The following TFAP2B variants were observed in gnomAD, a reference collection of about 807,000 sequenced individuals.
The protein encoded by TFAP2B is transcription factor AP-2 beta, also known as transcription factor AP-2-beta.
A neutral mutation model predicts 44.3 loss-of-function variants in TFAP2B; 9 were observed. That is an observed-to-expected ratio of 0.20 (90% CI 0.12 to 0.35). The LOEUF (loss-of-function observed/expected upper bound fraction) is 0.35, where lower values mean the gene tolerates loss of function less well. TFAP2B is among the 10% of genes least tolerant of loss of function. The pLI, the probability that TFAP2B is intolerant of heterozygous loss-of-function variation, is 1.00. For missense variants in TFAP2B, 509 were observed against 600.0 expected (o/e 0.85, Z 1.59); for synonymous variants, 270 against 263.8 (o/e 1.02, Z -0.23).
At chr6:50,829,855 T>C (rs1770626720) in intron 3 of TFAP2B, among the ~76,000 whole-genome samples, 1 of 152,222 alleles carries the variant, frequency 6.6e-6, no homozygotes, top group Non-Finnish European at 1.5e-5. Flanking sequence ...GGGGAAGCTG[T>C]ACTTGCAATG....
intron 2 of TFAP2B, among the ~76,000 whole-genome samples, chr6:50,825,238 C>A (rs1376381126): frequency 1.3e-5 from 2 of 151,610 alleles, no homozygotes; most frequent in Non-Finnish European, 2.9e-5. Flanking sequence ...CTTGACTGTT[C>A]CTGGCTAGAG....
At position 50,846,698 on chromosome 6, in the gene TFAP2B, G is replaced by A. The variant is rs1762856880; in HGVS notation, c.*3306G>A. 6.6e-6 allele frequency: 1 copy of A among 152,232 alleles called. No homozygotes were observed. The highest frequency in any genetic ancestry group is 1.5e-5 in the Non-Finnish European group (1 of 68,038). 9.4% of individuals were successfully genotyped at this position (152,232 alleles called of 1,614,324 possible). A position where few individuals can be genotyped will look rare whatever the true frequency, so the allele number is the denominator to read the frequency against. ...CTGGGGAGCAAGAAATGTCCTGTTT[G>A]GGTGAGGATTCCGTCACCTAAAAAG... On this transcript the variant is annotated 3_prime_UTR_variant, in exon 7 of 7. Coordinates refer to ENST00000393655, the MANE Select transcript of TFAP2B (RefSeq NM_003221.4).
chr6:50,819,230 C>CCACCA (rs1320221329), intron 1 of TFAP2B, among the ~76,000 whole-genome samples: 1 of 151,114 alleles, frequency 6.6e-6, no homozygotes, highest in African/African-American at 2.4e-5. Flanking sequence ...TCCTCGCCTC[C>CCACCA]CCCCACCCCA....
chr6:50,843,692 T>G lies in TFAP2B; in HGVS notation c.*300T>G, dbSNP rs890240169. On this transcript the variant is annotated 3_prime_UTR_variant, in exon 7 of 7. Coordinates refer to ENST00000393655, the MANE Select transcript of TFAP2B (RefSeq NM_003221.4). Reference sequence around the variant, plus strand: ...ACTGATAATAAAAGAAAACCATGATTTCCCCTTCCCTTTGGAAAATAAACA... The same window carrying G: ...ACTGATAATAAAAGAAAACCATGATGTCCCCTTCCCTTTGGAAAATAAACA... 4.9e-5 allele frequency: 15 copies of G among 305,000 alleles called. No individual in the cohort carries two copies. Among genetic ancestry groups the G allele is most frequent in the Admixed American group, 3.3e-4 (7 of 21,278 alleles). 18.9% of individuals were successfully genotyped at this position (305,000 alleles called of 1,614,324 possible). A position where few individuals can be genotyped will look rare whatever the true frequency, so the allele number is the denominator to read the frequency against.
At chr6:50,835,975 TG>T in intron 3 of TFAP2B, 85 bp from the exon 4 acceptor site, 1 of 1,075,380 alleles carries the variant, frequency 9.3e-7, no homozygotes, top group Non-Finnish European at 1.4e-6. Context: ...GTCTGTCCTG[TG>T]GCCTCACACA....
At chr6:50,830,072 T>A (rs369504089) in intron 3 of TFAP2B, among the ~76,000 whole-genome samples, 1 of 152,204 alleles carries the variant, frequency 6.6e-6, no homozygotes, top group Non-Finnish European at 1.5e-5. Flanking sequence ...GACAGCTCAC[T>A]TTTCCTGTTT....
intron 3 of TFAP2B, among the ~76,000 whole-genome samples, chr6:50,831,104 C>A (rs1219739047): frequency 1.3e-5 from 2 of 152,058 alleles, no homozygotes; most frequent in Non-Finnish European, 2.9e-5. Context: ...ATGGTAAGGC[C>A]CCTTCTAAAA....
chr6:50,829,873 T>C (rs1414231014), intron 3 of TFAP2B, among the ~76,000 whole-genome samples: 1 of 152,188 alleles, frequency 6.6e-6, no homozygotes, highest in Non-Finnish European at 1.5e-5. Context: ...ATGATGCCAT[T>C]TGGCCTTGGA....
chr6:50,824,244 A>G (rs1770442476), intron 2 of TFAP2B, among the ~76,000 whole-genome samples: 1 of 152,194 alleles, frequency 6.6e-6, no homozygotes. Flanking sequence ...TTACCAACAC[A>G]CACACCCCAT....
chr6:50,841,447 G>A (rs914050766), intron 6 of TFAP2B, among the ~76,000 whole-genome samples: 5 of 151,840 alleles, frequency 3.3e-5, no homozygotes, highest in African/African-American at 1.2e-4. Context: ...GTGTGGGGGG[G>A]ATCAGTTGTG....
At chr6:50,819,826 A>ACGAGGCGGC (rs1294926253) in intron 1 of TFAP2B, among the ~76,000 whole-genome samples, 31 of 151,852 alleles carry the variant, frequency 2.0e-4, no homozygotes, top group Non-Finnish European at 4.0e-4. Context: ...GACTAGGCGG[A>ACGAGGCGGC]CGAGGCGGCC....
In TFAP2B at chr6:50,843,281, G is replaced by A; in HGVS notation, c.1272G>A (p.Ala424=). The change falls in exon 7 of 7, where the codon GCG becomes GCA. Residue 424 remains alanine (A), a synonymous_variant. Coordinates refer to ENST00000393655, the MANE Select transcript of TFAP2B (RefSeq NM_003221.4). ...CCCTGCAGAACTATCTCACCGAGGCGCTCAAAGGCATGGACAAGATGTTCT... is the reference window on the plus strand; with the variant it reads ...CCCTGCAGAACTATCTCACCGAGGCACTCAAAGGCATGGACAAGATGTTCT... ...LTALQNYLTE[A]LKGMDKMFLN... The A allele has an allele frequency of 6.2e-7, 1 of 1,614,144 alleles. No individual in the cohort carries two copies. The highest frequency in any genetic ancestry group is 1.1e-5 in the South Asian group (1 of 91,080).
chr6:50,843,855 C>T lies in TFAP2B; in HGVS notation c.*463C>T, dbSNP rs1037309324. 1.2e-5 allele frequency: 2 copies of T among 165,038 alleles called. No homozygotes were observed. The highest frequency in any genetic ancestry group is 1.2e-4 in the Admixed American group (2 of 16,400). The allele number at this position is 165,038 out of a possible 1,614,324, so 10.2% of individuals were successfully genotyped here. A position where few individuals can be genotyped will look rare whatever the true frequency, so the allele number is the denominator to read the frequency against. Reference sequence around the variant, plus strand: ...ATATTTTTAGGAAACTCTCGCAGTCCCCGCCCTCCATCTCACCTCACCCGT... The same window carrying T: ...ATATTTTTAGGAAACTCTCGCAGTCTCCGCCCTCCATCTCACCTCACCCGT... On this transcript the variant is annotated 3_prime_UTR_variant, in exon 7 of 7. Coordinates refer to ENST00000393655, the MANE Select transcript of TFAP2B (RefSeq NM_003221.4).
chr6:50,840,114 G>C, intron 5 of TFAP2B, 42 bp from the exon 6 acceptor site: 1 of 1,612,644 alleles, frequency 6.2e-7, no homozygotes. Context: ...GGATATTTAG[G>C]GCCTGGGTGC....
rs946137177 is a variant in TFAP2B at position 50,844,873 on chromosome 6, T to G, written c.*1481T>G. 5 of 152,330 alleles carry G rather than the reference T, an allele frequency of 3.3e-5. No homozygotes were observed. Among genetic ancestry groups the G allele is most frequent in the African/African-American group, 1.2e-4 (5 of 41,572 alleles). The allele number at this position is 152,330 out of a possible 1,614,324, so 9.4% of individuals were successfully genotyped here. A position where few individuals can be genotyped will look rare whatever the true frequency, so the allele number is the denominator to read the frequency against. ...AGATGCTTTATGAATGAGGCATTTT[T>G]CCCTCCCAGACGTGCACTTGTTTTG... On this transcript the variant is annotated 3_prime_UTR_variant, in exon 7 of 7. Coordinates refer to ENST00000393655, the MANE Select transcript of TFAP2B (RefSeq NM_003221.4).
chr6:50,825,822 C>T lies in TFAP2B; in HGVS notation c.540+1957C>T, dbSNP rs185035074. ...GTTCCTCCCCTGCTTTATCTCATTT[C>T]GTCACCTGCCGGGAGGCCCACGGGA... is the stretch of plus-strand genomic sequence containing the variant. On this transcript the variant is annotated intron_variant, in intron 2 of 6. Coordinates refer to ENST00000393655, the MANE Select transcript of TFAP2B (RefSeq NM_003221.4). Among the ~76,000 whole-genome samples the T allele has an allele frequency of 6.8e-3, 1,032 of 152,224 alleles. 10 individuals are homozygous for T. The highest frequency in any genetic ancestry group is 0.024 in the African/African-American group (983 of 41,536).
intron 1 of TFAP2B, chr6:50,822,193 A>T (rs905293911): frequency 7.7e-7 from 1 of 1,298,216 alleles, no homozygotes; most frequent in Non-Finnish European, 1.0e-6. Context: ...CCAGAATTGC[A>T]TGCTCCCTCC....
At chr6:50,824,016 T>C in intron 2 of TFAP2B, 151 bp downstream of exon 2, 1 of 882,252 alleles carries the variant, frequency 1.1e-6, no homozygotes, top group Non-Finnish European at 1.8e-6. Flanking sequence ...ATAGAACTGT[T>C]TATGTGTGTC....
At chr6:50,832,679 A>G (rs1027228988) in intron 3 of TFAP2B, among the ~76,000 whole-genome samples, 1 of 152,182 alleles carries the variant, frequency 6.6e-6, no homozygotes, top group African/African-American at 2.4e-5. Context: ...TTATGAATCT[A>G]TAAGATAGGT....
Sources: gnomAD v4.1 joint callset for allele counts (sites outside exome capture counted in the v4.1 genomes callset) on GRCh38, gnomAD v4.1.1 for gene constraint, MANE v1.5 for transcripts, NCBI Gene and HGNC (gene_info 2026-07-23, HGNC 2026-07-21) for gene names.